Variants in ENKUR observed in about 807,000 individuals in gnomAD.
ENKUR encodes the protein enkurin.
Under a neutral mutation model 27.6 loss-of-function variants are expected in ENKUR, and 19 were observed. The ratio of observed to expected loss-of-function variants is 0.69; its 90% CI spans 0.48 to 1.01. The LOEUF (loss-of-function observed/expected upper bound fraction) is 1.01. Ranked by LOEUF, ENKUR falls within the 50% of genes least tolerant of loss-of-function variation. ENKUR has a pLI of 0.00. For synonymous variants in ENKUR, 117 were observed against 96.9 expected, an observed-to-expected ratio of 1.21 and a Z score of -1.22; for missense variants, 312 against 310.5, an observed-to-expected ratio of 1.00 and a Z score of -0.04.
At position 24,983,465 on chromosome 10, in the gene ENKUR, A is replaced by G. The variant is rs1191652357; in HGVS notation, c.*905T>C. 6.6e-6 allele frequency: 1 copy of G among 152,208 alleles called. No homozygotes were observed. Among genetic ancestry groups the G allele is most frequent in the Non-Finnish European group, 1.5e-5 (1 of 68,032 alleles). The allele number at this position is 152,208 out of a possible 1,614,324, so 9.4% of individuals were successfully genotyped here. A position where few individuals can be genotyped will look rare whatever the true frequency, so the allele number is the denominator to read the frequency against. ...TACGTAATTATACATTTTGGAGTGT[A>G]CTGTCACAGCTGTTAGCCTACCCTA... On this transcript the variant is annotated 3_prime_UTR_variant, in exon 6 of 6. Transcript: ENST00000331161.
chr10:24,988,243 T>C (rs1252539716), intron 4 of ENKUR, among the ~76,000 whole-genome samples: 2 of 140,848 alleles, frequency 1.4e-5, no homozygotes, highest in Admixed American at 7.1e-5. Context: ...TGTATATATA[T>C]ATATATATGT....
At chr10:25,013,422 CCAACCTTAGT>C (rs1308779176) in intron 1 of ENKUR, among the ~76,000 whole-genome samples, 2 of 152,170 alleles carry the variant, frequency 1.3e-5, no homozygotes, top group African/African-American at 4.8e-5. Flanking sequence ...ATGGGAGAGA[CCAACCTTAGT>C]CAAAATCCAT....
intron 2 of ENKUR, among the ~76,000 whole-genome samples, chr10:25,052,914 C>T (rs978158509): frequency 9.9e-5 from 15 of 152,012 alleles, no homozygotes; most frequent in Non-Finnish European, 1.8e-4. Flanking sequence ...GGATTACAGG[C>T]ATGCGCCACC....
At chr10:24,995,575 G>T (rs1850029070) in intron 3 of ENKUR, 71 bp downstream of exon 3, 1 of 1,304,194 alleles carries the variant, frequency 7.7e-7, no homozygotes, top group Non-Finnish European at 1.1e-6. Context: ...TGATAACATA[G>T]ATGATCATCA....
chr10:24,992,082 C>A (rs915010504), intron 3 of ENKUR, among the ~76,000 whole-genome samples: 2 of 152,176 alleles, frequency 1.3e-5, no homozygotes, highest in Non-Finnish European at 2.9e-5. Flanking sequence ...ATTCTTTCAG[C>A]TTAGTAAATG....
In ENKUR at chr10:24,990,449, G is replaced by T; in HGVS notation, c.594+14C>A. The T allele has an allele frequency of 1.2e-6, 2 of 1,601,980 alleles. No individual in the cohort carries two copies. The highest frequency in any genetic ancestry group is 1.7e-6 in the Non-Finnish European group (2 of 1,176,804). On this transcript the variant is annotated intron_variant, in intron 4 of 5. Coordinates refer to ENST00000331161, the MANE Select transcript of ENKUR (RefSeq NM_145010.4). ...CAAAGAGTTACAGATGAATGTAAATGGCAGAACACACACCTGCAAAACTGC... is the reference window on the plus strand; with the variant it reads ...CAAAGAGTTACAGATGAATGTAAATTGCAGAACACACACCTGCAAAACTGC...
intron 2 of ENKUR, among the ~76,000 whole-genome samples, chr10:25,042,369 A>G (rs1469532495): frequency 6.6e-6 from 1 of 151,206 alleles, no homozygotes; most frequent in Non-Finnish European, 1.5e-5. Context: ...GCATCAGCTC[A>G]CTGCAACCTC....
At chr10:25,022,345 G>A (rs766992734) in intron 2 of ENKUR, among the ~76,000 whole-genome samples, 2 of 152,164 alleles carry the variant, frequency 1.3e-5, no homozygotes, top group Non-Finnish European at 2.9e-5. Context: ...TGGAAATTGA[G>A]TTAAATCTCT....
chr10:25,025,410 C>CT, intron 2 of ENKUR: 1 of 1,612,938 alleles, frequency 6.2e-7, no homozygotes, highest in South Asian at 1.1e-5. Flanking sequence ...ATATGAATGT[C>CT]TTGAAGAGTC....
At position 24,990,867 on chromosome 10, in the gene ENKUR, G is replaced by A. The variant is rs187711929; in HGVS notation, c.448-258C>T. ...CCAGCACTTTGGGAGGCTGAGGGGT[G>A]GGGGGGTGGATCACTTGAGGTCAGG... is the stretch of plus-strand genomic sequence containing the variant. On this transcript the variant is annotated intron_variant, in intron 3 of 5. Transcript: ENST00000331161. 2.1e-4 allele frequency among the ~76,000 whole-genome samples: 30 copies of A among 143,236 alleles called. 1 individual carries two copies. The highest frequency in any genetic ancestry group is 8.3e-4 in the African/African-American group (29 of 35,020). 94.0% of individuals were successfully genotyped at this position (143,236 alleles called of 152,430 possible).
At chr10:25,044,386 G>GTGTT (rs966874018) in intron 2 of ENKUR, among the ~76,000 whole-genome samples, 44 of 152,166 alleles carry the variant, frequency 2.9e-4, no homozygotes, top group African/African-American at 9.2e-4. Context: ...CTTAGGGTAG[G>GTGTT]TGTTTGTTTG....
chr10:24,985,278 A>G (rs1252100594), intron 4 of ENKUR, among the ~76,000 whole-genome samples: 1 of 152,234 alleles, frequency 6.6e-6, no homozygotes, highest in Non-Finnish European at 1.5e-5. Context: ...AACATTTTTG[A>G]ACAGAAAATT....
At chr10:25,017,395 C>T (rs1473031253), upstream of ENKUR, among the ~76,000 whole-genome samples, 1 of 152,090 alleles carries the variant, frequency 6.6e-6, no homozygotes, top group Non-Finnish European at 1.5e-5. Context: ...CTCTGAACCA[C>T]CGGTACAGAG....
intron 2 of ENKUR, among the ~76,000 whole-genome samples, chr10:25,055,345 G>A (rs1479067447): frequency 6.6e-6 from 1 of 151,642 alleles, no homozygotes; most frequent in Non-Finnish European, 1.5e-5. Flanking sequence ...AAAAAAAAAG[G>A]TCCTAGTTTT....
Position 24,984,292 on chromosome 10 carries a change from G to A in ENKUR, c.*78C>T, listed in dbSNP as rs1182487823. On this transcript the variant is annotated 3_prime_UTR_variant, in exon 6 of 6. Coordinates refer to ENST00000331161, the MANE Select transcript of ENKUR (RefSeq NM_145010.4). ...GCTCAGAAACAATGTGTTGGAGACAGTTTAGAGTAGCAAGAAGGCACGTGT... is the reference window on the plus strand; with the variant it reads ...GCTCAGAAACAATGTGTTGGAGACAATTTAGAGTAGCAAGAAGGCACGTGT... 2 of 1,473,482 alleles carry A rather than the reference G, an allele frequency of 1.4e-6. No individual in the cohort carries two copies. The highest frequency in any genetic ancestry group is 1.4e-5 in the African/African-American group (1 of 69,700). 91.3% of individuals were successfully genotyped at this position (1,473,482 alleles called of 1,614,324 possible).
intron 1 of ENKUR, among the ~76,000 whole-genome samples, chr10:25,006,983 T>C (rs1415495151): frequency 6.6e-6 from 1 of 152,184 alleles, no homozygotes. Context: ...ATTGAACATA[T>C]TGCTATTAAT....
chr10:25,020,344 G>T (rs1441919026), upstream of ENKUR, among the ~76,000 whole-genome samples: 3 of 151,714 alleles, frequency 2.0e-5, no homozygotes, highest in South Asian at 6.2e-4. Flanking sequence ...GGGTAGAGGG[G>T]AACTAACATA....
At chr10:25,050,792 A>C (rs1244399493) in intron 2 of ENKUR, among the ~76,000 whole-genome samples, 2 of 152,124 alleles carry the variant, frequency 1.3e-5, no homozygotes, top group African/African-American at 4.8e-5. Flanking sequence ...AGAACAAGGG[A>C]ATGTCTATGA....
intron 3 of ENKUR, among the ~76,000 whole-genome samples, chr10:24,995,014 A>G (rs1277766654): frequency 9.2e-5 from 14 of 152,090 alleles, no homozygotes; most frequent in Non-Finnish European, 1.9e-4. Flanking sequence ...GCATGAGAAT[A>G]TGTCTCAAAA....
Sources: gnomAD v4.1 joint callset for allele counts (sites outside exome capture counted in the v4.1 genomes callset) on GRCh38, gnomAD v4.1.1 for gene constraint, MANE v1.5 for transcripts, NCBI Gene and HGNC (gene_info 2026-07-23, HGNC 2026-07-21) for gene names.